Variants in THEMIS observed in about 807,000 individuals in gnomAD.
THEMIS encodes the protein protein THEMIS.
In THEMIS, 37 loss-of-function variants were observed where a neutral mutation model predicts 52.6. The ratio of observed to expected loss-of-function variants is 0.70; its 90% CI spans 0.54 to 0.93. The LOEUF (loss-of-function observed/expected upper bound fraction) is 0.93. THEMIS is among the 40% of genes least tolerant of loss of function. THEMIS has a pLI of 0.00. For synonymous variants in THEMIS, 292 were observed against 272.7 expected (o/e 1.07, Z -0.70); for missense variants, 808 against 763.1 (o/e 1.06, Z -0.69).
At chr6:127,885,115 T>C (rs560728680) in intron 1 of THEMIS, among the ~76,000 whole-genome samples, 25 of 152,226 alleles carry the variant, frequency 1.6e-4, no homozygotes, top group African/African-American at 6.0e-4. Context: ...ACACATATTA[T>C]AAAAATAATG....
chr6:127,907,917 C>T (rs913378082), intron 1 of THEMIS, among the ~76,000 whole-genome samples: 4 of 151,764 alleles, frequency 2.6e-5, no homozygotes, highest in East Asian at 3.9e-4. Context: ...TTAGTAAAGA[C>T]GGGGTTTCAT....
chr6:127,857,524 A>T (rs1365828837), intron 1 of THEMIS, among the ~76,000 whole-genome samples: 2 of 152,074 alleles, frequency 1.3e-5, no homozygotes, highest in South Asian at 4.1e-4. Flanking sequence ...TTCATTATTG[A>T]TTCATTATCA....
intron 4 of THEMIS, among the ~76,000 whole-genome samples, chr6:127,784,953 ATCTATC>A (rs1776875376): frequency 2.5e-4 from 2 of 8,032 alleles, no homozygotes; most frequent in African/African-American, 4.2e-4. Context: ...CAGTCACACT[ATCTATC>A]TATCTATCTA....
At chr6:127,783,024 C>T (rs1335577192) in intron 4 of THEMIS, among the ~76,000 whole-genome samples, 1 of 152,144 alleles carries the variant, frequency 6.6e-6, no homozygotes, top group Non-Finnish European at 1.5e-5. Flanking sequence ...CAGCATGGTA[C>T]TAGGACCAAA....
At chr6:127,707,732 A>C (rs1773834509), downstream of THEMIS, among the ~76,000 whole-genome samples, 1 of 152,122 alleles carries the variant, frequency 6.6e-6, no homozygotes. Context: ...TTTTAGAGGC[A>C]ACTTGAACCA....
At chr6:127,839,416 C>T (rs886131460) in intron 2 of THEMIS, among the ~76,000 whole-genome samples, 1 of 152,006 alleles carries the variant, frequency 6.6e-6, no homozygotes, top group Non-Finnish European at 1.5e-5. Flanking sequence ...ATCTTGTCAT[C>T]TTACCAAGTT....
chr6:127,918,542 C>G (rs949928867), upstream of THEMIS: 5 of 152,158 alleles, frequency 3.3e-5, no homozygotes, highest in Non-Finnish European at 7.4e-5. Flanking sequence ...AGCCTCTCAC[C>G]CCTACCCACC....
rs370855467 is a variant in THEMIS, at chr6:127,774,900, A to G, written c.1758+37983T>C. On this transcript the variant is annotated intron_variant, in intron 4 of 5. Coordinates refer to ENST00000368248, the MANE Select transcript of THEMIS (RefSeq NM_001010923.3). ...ACTTCCTCTTGATCAGAAGACCATC[A>G]AATAAAGAAACCAGCTATATGCCCA... Among the ~76,000 whole-genome samples the G allele has an allele frequency of 7.2e-5, 11 of 152,310 alleles. No homozygotes were observed. In the East Asian group the frequency reaches 1.5e-3, roughly 21 times the overall value.
At chr6:127,909,541 C>G (rs1287322130) in intron 1 of THEMIS, among the ~76,000 whole-genome samples, 1 of 152,132 alleles carries the variant, frequency 6.6e-6, no homozygotes, top group Admixed American at 6.6e-5. Context: ...GCTTCCCCAG[C>G]CCTGTGGAAC....
intron 4 of THEMIS, among the ~76,000 whole-genome samples, chr6:127,802,035 T>A (rs10872325): frequency 0.037 from 5,611 of 152,292 alleles, 134 homozygotes; most frequent in Middle Eastern, 0.061. Context: ...GCATTTAATG[T>A]TGCAGTTCGG....
chr6:127,720,959 G>C (rs183287937), intron 4 of THEMIS, among the ~76,000 whole-genome samples: 3 of 151,906 alleles, frequency 2.0e-5, no homozygotes, highest in Non-Finnish European at 4.4e-5. Flanking sequence ...CCTTTCTATA[G>C]AATTTTGCAG....
At chr6:127,839,292 T>C (rs888858341) in intron 2 of THEMIS, among the ~76,000 whole-genome samples, 3 of 152,062 alleles carry the variant, frequency 2.0e-5, no homozygotes, top group Admixed American at 2.0e-4. Flanking sequence ...AGTTATAAAA[T>C]ATGTTACCCC....
At chr6:127,851,091 T>C (rs977491739) in intron 2 of THEMIS, among the ~76,000 whole-genome samples, 1 of 151,512 alleles carries the variant, frequency 6.6e-6, no homozygotes, top group Admixed American at 6.6e-5. Flanking sequence ...ATTGAGATTA[T>C]ACATTCAGGG....
chr6:127,791,634 G>A (rs1290815111), intron 4 of THEMIS, among the ~76,000 whole-genome samples: 1 of 152,292 alleles, frequency 6.6e-6, no homozygotes, highest in South Asian at 2.1e-4. Context: ...CCAGGAGCCT[G>A]TTTGCATCCT....
intron 4 of THEMIS, among the ~76,000 whole-genome samples, chr6:127,756,853 T>C (rs1459972807): frequency 6.6e-6 from 1 of 152,222 alleles, no homozygotes; most frequent in African/African-American, 2.4e-5. Context: ...GGACAACTTA[T>C]GACTTTTCAA....
chr6:127,850,647 A>G (rs1265223846), intron 2 of THEMIS, among the ~76,000 whole-genome samples: 4 of 151,874 alleles, frequency 2.6e-5, no homozygotes, highest in Non-Finnish European at 4.4e-5. Flanking sequence ...GAAAAACAAA[A>G]TATCATATTT....
chr6:127,893,345 T>G (rs1780867222), intron 1 of THEMIS, among the ~76,000 whole-genome samples: 1 of 152,184 alleles, frequency 6.6e-6, no homozygotes, highest in Non-Finnish European at 1.5e-5. Flanking sequence ...TATGATTTAC[T>G]GAAAGATTGA....
intron 1 of THEMIS, among the ~76,000 whole-genome samples, chr6:127,881,907 A>G (rs1006112177): frequency 2.0e-5 from 3 of 151,658 alleles, no homozygotes; most frequent in Non-Finnish European, 4.4e-5. Flanking sequence ...CTACACTAAA[A>G]GGTTAACTTT....
chr6:127,903,842 G>A (rs568217565), upstream of THEMIS, among the ~76,000 whole-genome samples: 36 of 152,014 alleles, frequency 2.4e-4, no homozygotes, highest in East Asian at 7.0e-3. Context: ...TCTATTTCTG[G>A]CTATGAGCTT....
Sources: gnomAD v4.1 joint callset for allele counts (sites outside exome capture counted in the v4.1 genomes callset) on GRCh38, gnomAD v4.1.1 for gene constraint, MANE v1.5 for transcripts, NCBI Gene and HGNC (gene_info 2026-07-23, HGNC 2026-07-21) for gene names.